The following WBP2NL variants were observed in gnomAD, a reference collection of about 807,000 sequenced individuals.
WBP2NL encodes the protein postacrosomal sheath WW domain-binding protein.
A neutral mutation model predicts 23.3 loss-of-function variants in WBP2NL; 27 were observed. The observed-to-expected ratio is 1.16, with a 90% CI of 0.85 to 1.60. WBP2NL has a LOEUF of 1.60. Ranked by LOEUF, WBP2NL falls within the 40% of genes most tolerant of loss-of-function variation. The probability of loss-of-function intolerance (pLI) is 0.00; values close to 1 mark genes in which losing one functional copy is unlikely to be tolerated. For synonymous variants in WBP2NL, 151 were observed against 145.9 expected, an observed-to-expected ratio of 1.03 and a Z score of -0.25; for missense variants, 370 against 389.5, an observed-to-expected ratio of 0.95 and a Z score of 0.42.
downstream of WBP2NL, among the ~76,000 whole-genome samples, chr22:42,033,210 C>T (rs1925055177): frequency 1.3e-5 from 2 of 152,164 alleles, no homozygotes; most frequent in Admixed American, 1.3e-4. Context: ...AGCATGGGCA[C>T]CAGCTCTCCA....
chr22:42,016,985 T>A (rs1256997044), intron 1 of WBP2NL, among the ~76,000 whole-genome samples: 1 of 152,184 alleles, frequency 6.6e-6, no homozygotes. Flanking sequence ...CCACACTGTG[T>A]TTTGATGAAG....
intron 5 of WBP2NL, among the ~76,000 whole-genome samples, chr22:42,023,565 C>G (rs1464730941): frequency 6.6e-6 from 1 of 151,918 alleles, no homozygotes; most frequent in Non-Finnish European, 1.5e-5. Context: ...TGCAGTGGCG[C>G]GATGCAAGCT....
intron 8 of WBP2NL, among the ~76,000 whole-genome samples, chr22:42,055,464 C>T (rs972345355): frequency 2.0e-5 from 3 of 152,140 alleles, no homozygotes; most frequent in African/African-American, 7.2e-5. Context: ...TGTGAGCCAC[C>T]GTGCCTGGCA....
downstream of WBP2NL, among the ~76,000 whole-genome samples, chr22:42,034,831 T>C (rs530433076): frequency 2.6e-3 from 403 of 152,364 alleles, 7 homozygotes; most frequent in Non-Finnish European, 6.5e-4. Flanking sequence ...AAGAGAAATA[T>C]GGCTCTGTTC....
rs1602435037 is a variant in WBP2NL, at chr22:42,001,873, C to T, written c.62+2993C>T. 16 of 1,490,522 alleles carry T rather than the reference C, an allele frequency of 1.1e-5. No individual in the cohort carries two copies. The East Asian group carries it at 2.5e-4, about 23-fold the overall frequency. 92.3% of individuals were successfully genotyped at this position (1,490,522 alleles called of 1,614,324 possible). A position where few individuals can be genotyped will look rare whatever the true frequency, so the allele number is the denominator to read the frequency against. The stretch of plus-strand genomic sequence containing the variant: ...TGCTGCACCTGTAGCAGCAGCTTGA[C>T]CCGCTCGATGGGTGCTACCGCCATC... On this transcript the variant is annotated intron_variant, in intron 1 of 5. Transcript: ENST00000328823.
chr22:42,019,099 T>C (rs970426563), intron 1 of WBP2NL, among the ~76,000 whole-genome samples: 9 of 151,820 alleles, frequency 5.9e-5, no homozygotes, highest in African/African-American at 2.2e-4. Context: ...CGGGCGCCTG[T>C]AGTCCCAGCT....
chr22:42,023,863 C>T (rs956345308), intron 5 of WBP2NL, among the ~76,000 whole-genome samples: 14 of 152,140 alleles, frequency 9.2e-5, no homozygotes, highest in African/African-American at 3.4e-4. Flanking sequence ...AGGCTGGTCT[C>T]ACACTCCTGG....
chr22:42,020,524 T>C (rs924459603), intron 4 of WBP2NL, among the ~76,000 whole-genome samples: 4 of 152,066 alleles, frequency 2.6e-5, no homozygotes, highest in African/African-American at 7.2e-5. Flanking sequence ...TCCCTTCCTA[T>C]CCTGAAGGAG....
At chr22:42,056,083 T>C (rs761539634) in intron 8 of WBP2NL, among the ~76,000 whole-genome samples, 5 of 152,242 alleles carry the variant, frequency 3.3e-5, no homozygotes, top group Non-Finnish European at 7.3e-5. Flanking sequence ...TGTTATGTCT[T>C]AAGTCTCTTT....
chr22:42,047,144 T>C (rs1441418580), intron 8 of WBP2NL, among the ~76,000 whole-genome samples: 3 of 151,966 alleles, frequency 2.0e-5, no homozygotes, highest in African/African-American at 7.3e-5. Flanking sequence ...AGTTGGTCCA[T>C]TAGTTGTATC....
At chr22:41,999,654 G>A (rs552360486) in intron 1 of WBP2NL, among the ~76,000 whole-genome samples, 1 of 152,264 alleles carries the variant, frequency 6.6e-6, no homozygotes, top group Non-Finnish European at 1.5e-5. Context: ...CATAATCCCA[G>A]CTGCTTGGGA....
chr22:42,045,249 C>T (rs898298428), intron 8 of WBP2NL, among the ~76,000 whole-genome samples: 33 of 152,064 alleles, frequency 2.2e-4, no homozygotes, highest in African/African-American at 8.0e-4. Context: ...CCATCCTGGC[C>T]AACATGGTGA....
At chr22:42,048,688 G>A (rs1231022789) in intron 8 of WBP2NL, among the ~76,000 whole-genome samples, 3 of 150,816 alleles carry the variant, frequency 2.0e-5, no homozygotes, top group African/African-American at 2.4e-5. Flanking sequence ...CCCAGGAGGC[G>A]GAGCTTGCAG....
rs775599405 is a variant in WBP2NL at position 42,026,782 on chromosome 22, C to T, written c.531C>T (p.Ala177=). 1.2e-5 allele frequency: 20 copies of T among 1,613,674 alleles called. No homozygotes were observed. The highest frequency in any genetic ancestry group is 1.5e-5 in the Non-Finnish European group (18 of 1,179,856). ...AATTCCCAGTTATTGTCTATGGAGCCCCACCTGCAGGATATGGAGCCCCAC... is the reference window on the plus strand; with the variant it reads ...AATTCCCAGTTATTGTCTATGGAGCTCCACCTGCAGGATATGGAGCCCCAC... ...QMPCSVIVYG[A]PPAGYGAPPP... The change falls in exon 6 of 6, where the codon GCC becomes GCT. Residue 177 remains alanine, a synonymous_variant. Transcript: ENST00000328823.
chr22:42,048,930 C>G (rs910024640), intron 8 of WBP2NL, among the ~76,000 whole-genome samples: 8 of 152,136 alleles, frequency 5.3e-5, no homozygotes, highest in Admixed American at 1.3e-4. Context: ...AAGGCAGTGT[C>G]CCCTCTCACT....
At chr22:42,005,801 C>G (rs1423234638) in intron 1 of WBP2NL, among the ~76,000 whole-genome samples, 2 of 152,128 alleles carry the variant, frequency 1.3e-5, no homozygotes, top group African/African-American at 4.8e-5. Context: ...GATCCTGAAG[C>G]ATTTCTTCAA....
In WBP2NL at chr22:42,027,129, C is replaced by A. The variant is rs1924588902; in HGVS notation, c.878C>A (p.Pro293His). The A allele has an allele frequency of 6.2e-7, 1 of 1,614,042 alleles. No homozygotes were observed. The highest frequency in any genetic ancestry group is 8.5e-7 in the Non-Finnish European group (1 of 1,179,962). The change falls in exon 6 of 6, where the codon CCT becomes CAT. Residue 293 changes from proline (P) to histidine (H), a missense_variant. By Grantham distance (77) the Pro-to-His change is moderately conservative (BLOSUM62 -2). Transcript: ENST00000328823. Reference protein sequence around the residue: ...RPQESTAAQAPENEASLPSAS... With the variant: ...RPQESTAAQAHENEASLPSAS... The stretch of plus-strand genomic sequence containing the variant: ...CAGGAATCTACAGCAGCCCAGGCTC[C>A]TGAAAACGAGGCTTCTCTTCCCTCT...
At chr22:42,034,595 C>T (rs545928724), downstream of WBP2NL, among the ~76,000 whole-genome samples, 34 of 152,230 alleles carry the variant, frequency 2.2e-4, no homozygotes, top group East Asian at 5.8e-4. Flanking sequence ...TGAGATCACC[C>T]GGTCTGACCA....
At chr22:42,057,744 C>T (rs1490899501) in intron 8 of WBP2NL, among the ~76,000 whole-genome samples, 2 of 149,004 alleles carry the variant, frequency 1.3e-5, no homozygotes, top group Non-Finnish European at 3.0e-5. Flanking sequence ...ATTTTTGAGA[C>T]AACTGGCAAA....
Sources: allele counts gnomAD v4.1 joint callset (sites outside exome capture counted in the v4.1 genomes callset), GRCh38; gene constraint gnomAD v4.1.1; transcripts MANE v1.5; gene names NCBI Gene and HGNC (gene_info 2026-07-23, HGNC 2026-07-21).